NPAS3: variants seen among roughly 807,000 people sequenced by gnomAD.
NPAS3 encodes neuronal PAS domain-containing protein 3.
In NPAS3, 14 loss-of-function variants were observed where a neutral mutation model predicts 73.1. The ratio of observed to expected loss-of-function variants is 0.19; its 90% CI spans 0.13 to 0.30. The LOEUF is 0.30. Ranked by LOEUF, NPAS3 falls within the 10% of genes least tolerant of loss-of-function variation. NPAS3 has a pLI of 1.00. For missense variants in NPAS3, 1,096 were observed against 1,250.0 expected (o/e 0.88, Z 1.86); for synonymous variants, 620 against 541.5 (o/e 1.14, Z -2.01).
rs1001097686 is a variant in NPAS3 at position 33,623,356 on chromosome 14, G to C, written c.559-52855G>C. On this transcript the variant is annotated intron_variant, in intron 5 of 11. Coordinates refer to ENST00000356141, the Ensembl canonical transcript of NPAS3. The stretch of plus-strand genomic sequence containing the variant: ...ACCCTATTTCCCCTGCAGTCAAAGT[G>C]AATGACAACTCAGGCCAAAATAACA... 4.6e-5 allele frequency among the ~76,000 whole-genome samples: 7 copies of C among 152,142 alleles called. No individual in the cohort carries two copies. In the South Asian group the frequency reaches 6.2e-4, roughly 13 times the overall value.
At chr14:33,023,037 A>G (rs1422728833) in intron 1 of NPAS3, among the ~76,000 whole-genome samples, 9 of 152,114 alleles carry the variant, frequency 5.9e-5, no homozygotes. Context: ...GCTGCCCTCA[A>G]AGACATCTGT....
intron 3 of NPAS3, among the ~76,000 whole-genome samples, chr14:33,259,374 C>T (rs1224656240): frequency 6.6e-6 from 1 of 152,156 alleles, no homozygotes; most frequent in Non-Finnish European, 1.5e-5. Context: ...AGATGATTCA[C>T]AAACTAAACT....
intron 5 of NPAS3, among the ~76,000 whole-genome samples, chr14:33,589,719 C>T (rs192682053): frequency 4.5e-4 from 68 of 152,206 alleles, no homozygotes; most frequent in African/African-American, 1.6e-3. Context: ...AATTTTAGGA[C>T]ATTGACTTCT....
chr14:33,574,746 A>C (rs1216405059), intron 5 of NPAS3, among the ~76,000 whole-genome samples: 2 of 152,180 alleles, frequency 1.3e-5, no homozygotes, highest in East Asian at 3.9e-4. Context: ...AGGTCTCAGA[A>C]GAATAAGCTT....
chr14:33,723,702 A>C (rs1816656152), intron 6 of NPAS3, among the ~76,000 whole-genome samples: 1 of 130,516 alleles, frequency 7.7e-6, no homozygotes, highest in Non-Finnish European at 1.6e-5. Context: ...TCTTTGCTTC[A>C]ATACTTCCTC....
intron 2 of NPAS3, among the ~76,000 whole-genome samples, chr14:33,197,268 T>TGTGTGTGTGTGTGTGTGTGTG (rs1555353808): frequency 1.0e-5 from 1 of 97,928 alleles, no homozygotes; most frequent in African/African-American, 3.1e-5. Context: ...TGTGTGTGTG[T>TGTGTGTGTGTGTGTGTGTGTG]TCTTTTTCAA....
At chr14:32,972,768 C>T (rs1341630730) in intron 1 of NPAS3, among the ~76,000 whole-genome samples, 1 of 152,144 alleles carries the variant, frequency 6.6e-6, no homozygotes, top group East Asian at 1.9e-4. Context: ...TTAGAAGAGT[C>T]ATCAAGAACC....
At chr14:33,768,664 A>G (rs373122477) in intron 7 of NPAS3, among the ~76,000 whole-genome samples, 7 of 152,184 alleles carry the variant, frequency 4.6e-5, no homozygotes, top group African/African-American at 1.4e-4. Context: ...TGATTCTTTG[A>G]CACCATTTTA....
chr14:33,469,855 A>C (rs1381127630), intron 4 of NPAS3, among the ~76,000 whole-genome samples: 1 of 152,166 alleles, frequency 6.6e-6, no homozygotes, highest in Non-Finnish European at 1.5e-5. Context: ...CTTTAAACTT[A>C]TAGGGCTGAA....
At chr14:33,136,291 C>G (rs573828174) in intron 2 of NPAS3, among the ~76,000 whole-genome samples, 51 of 152,094 alleles carry the variant, frequency 3.4e-4, no homozygotes, top group African/African-American at 1.2e-3. Flanking sequence ...AATCTCCTGA[C>G]CTCGTGATCC....
intron 3 of NPAS3, among the ~76,000 whole-genome samples, chr14:33,323,599 G>A (rs1444440048): frequency 6.6e-6 from 1 of 152,170 alleles, no homozygotes. Context: ...TGTAAATGAG[G>A]ACACTTAGAA....
chr14:33,383,442 T>C (rs946464010), intron 4 of NPAS3, among the ~76,000 whole-genome samples: 13 of 152,264 alleles, frequency 8.5e-5, no homozygotes, highest in Non-Finnish European at 5.9e-5. Flanking sequence ...AAGAAGACAT[T>C]TACATGCTGG....
intron 5 of NPAS3, among the ~76,000 whole-genome samples, chr14:33,608,091 T>C (rs1175183179): frequency 1.4e-4 from 22 of 152,210 alleles, no homozygotes; most frequent in Admixed American, 1.4e-3. Flanking sequence ...TGGTTAACTC[T>C]GTTGACTTAG....
intron 3 of NPAS3, among the ~76,000 whole-genome samples, chr14:33,297,349 ATGTAAT>A (rs1403301301): frequency 6.6e-6 from 1 of 152,192 alleles, no homozygotes; most frequent in African/African-American, 2.4e-5. Flanking sequence ...CTCCCAGTAG[ATGTAAT>A]TTATAGTAAT....
chr14:33,436,244 G>A (rs769349522), intron 4 of NPAS3, among the ~76,000 whole-genome samples: 1 of 152,206 alleles, frequency 6.6e-6, no homozygotes, highest in Non-Finnish European at 1.5e-5. Flanking sequence ...CTGACCAGTA[G>A]ATGCATGCAA....
intron 4 of NPAS3, among the ~76,000 whole-genome samples, chr14:33,382,734 C>T (rs2046610498): frequency 6.6e-6 from 1 of 152,058 alleles, no homozygotes; most frequent in African/African-American, 2.4e-5. Context: ...CCAATAATTG[C>T]ATTTACAATT....
chr14:33,102,108 CT>C (rs546534077), intron 2 of NPAS3, among the ~76,000 whole-genome samples: 1 of 152,092 alleles, frequency 6.6e-6, no homozygotes, highest in African/African-American at 2.4e-5. Context: ...GAATCAACCT[CT>C]TTTTTTCCCT....
intron 3 of NPAS3, among the ~76,000 whole-genome samples, chr14:33,356,438 T>C (rs1361224069): frequency 6.6e-6 from 1 of 152,230 alleles, no homozygotes; most frequent in African/African-American, 2.4e-5. Context: ...AGTGTATAAT[T>C]CCACAAGGCA....
intron 4 of NPAS3, among the ~76,000 whole-genome samples, chr14:33,409,195 G>A (rs2047803671): frequency 6.6e-6 from 1 of 152,164 alleles, no homozygotes; most frequent in South Asian, 2.1e-4. Context: ...TTGTGGGGAG[G>A]GGAGTTGAGC....
Sources: allele counts gnomAD v4.1 joint callset (sites outside exome capture counted in the v4.1 genomes callset), GRCh38; gene constraint gnomAD v4.1.1; transcripts MANE v1.5; gene names NCBI Gene and HGNC (gene_info 2026-07-23, HGNC 2026-07-21).